ACSM4: variants seen among roughly 807,000 people sequenced by gnomAD.
The protein encoded by ACSM4 is acyl-coenzyme A synthetase ACSM4, mitochondrial.
A neutral mutation model predicts 73.0 loss-of-function variants in ACSM4; 66 were observed. That is an observed-to-expected ratio of 0.90 (90% CI 0.74 to 1.11). The LOEUF (loss-of-function observed/expected upper bound fraction) is 1.11, where lower values mean the gene tolerates loss of function less well. Among genes scored for constraint, ACSM4 ranks in the 50% least tolerant of loss-of-function variants. The pLI, the probability that ACSM4 is intolerant of heterozygous loss-of-function variation, is 0.00. For missense variants in ACSM4, 645 were observed against 714.4 expected, an observed-to-expected ratio of 0.90 and a Z score of 1.11; for synonymous variants, 222 against 254.0, an observed-to-expected ratio of 0.87 and a Z score of 1.20.
chr12:7,324,520 AGTG>A lies in ACSM4; in HGVS notation c.1460_1462del (p.Val487del), dbSNP rs773545493. 1.9e-6 allele frequency: 3 copies of A among 1,613,968 alleles called. 1 individual carries two copies. In the South Asian group the frequency reaches 3.3e-5, roughly 18 times the overall value. ...TCAGGTACCGTATTGGGCCATTTGA[AGTG>A]GAGAGTGCACTCATTGAGCATCCAG... On this transcript the variant is annotated inframe_deletion, in exon 11 of 13. Coordinates refer to ENST00000399422, the MANE Select transcript of ACSM4 (RefSeq NM_001080454.2).
intron 5 of ACSM4, 165 bp downstream of exon 5, chr12:7,318,347 C>G: frequency 1.3e-6 from 1 of 798,696 alleles, no homozygotes; most frequent in South Asian, 2.2e-5. Flanking sequence ...ACGTATTTGA[C>G]AGAATGGAGG....
At chr12:7,306,511 T>C in intron 1 of ACSM4, 22 bp from the exon 2 acceptor site, 1 of 1,563,228 alleles carries the variant, frequency 6.4e-7, no homozygotes, top group East Asian at 2.4e-5. Flanking sequence ...TACCCCTCTC[T>C]TTTCCATGTG....
chr12:7,308,873 T>C (rs1452384911), intron 2 of ACSM4, among the ~76,000 whole-genome samples: 1 of 152,228 alleles, frequency 6.6e-6, no homozygotes, highest in African/African-American at 2.4e-5. Flanking sequence ...GTAGTTTGGC[T>C]TATAGCACAG....
chr12:7,322,414 C>G lies in ACSM4; in HGVS notation c.1002-4C>G, dbSNP rs960057029. 2.5e-6 allele frequency: 4 copies of G among 1,613,590 alleles called. No individual in the cohort carries two copies. The highest frequency in any genetic ancestry group is 3.4e-6 in the Non-Finnish European group (4 of 1,179,792). On this transcript the variant is annotated splice_polypyrimidine_tract_variant and splice_region_variant and intron_variant, in intron 6 of 12. Coordinates refer to ENST00000399422, the MANE Select transcript of ACSM4 (RefSeq NM_001080454.2). ...AAAAGACCCATGCAACTCTGTCTCT[C>G]CAGATATAAATTCAAGAGTCTGCGG... is the stretch of plus-strand genomic sequence containing the variant.
chr12:7,322,240 C>T (rs1218316766), intron 6 of ACSM4, among the ~76,000 whole-genome samples, 178 bp from the exon 7 acceptor site: 5 of 152,138 alleles, frequency 3.3e-5, no homozygotes, highest in Non-Finnish European at 7.3e-5. Context: ...AATGTGCCCC[C>T]ATATGCCTAG....
intron 1 of ACSM4, 56 bp downstream of exon 1, chr12:7,304,588 C>A: frequency 6.5e-7 from 1 of 1,541,084 alleles, no homozygotes; most frequent in Non-Finnish European, 9.0e-7. Flanking sequence ...TCTCAGTCTT[C>A]CATTTCCTTG....
rs1946488750 is a variant in ACSM4 at position 7,324,490 on chromosome 12, C to T, written c.1437-9C>T. ...GATGTGGTGGTCAAAAACTTCTTTTCCTCTTCAGGTACCGTATTGGGCCAT... is the reference window on the plus strand; with the variant it reads ...GATGTGGTGGTCAAAAACTTCTTTTTCTCTTCAGGTACCGTATTGGGCCAT... On this transcript the variant is annotated splice_polypyrimidine_tract_variant and intron_variant, in intron 10 of 12. Coordinates refer to ENST00000399422, the MANE Select transcript of ACSM4 (RefSeq NM_001080454.2). 1 of 1,613,902 alleles carries T rather than the reference C, an allele frequency of 6.2e-7. No individual in the cohort carries two copies. Among genetic ancestry groups the T allele is most frequent in the South Asian group, 1.1e-5 (1 of 91,068 alleles).
chr12:7,318,471 G>C, intron 5 of ACSM4: 1 of 316,354 alleles, frequency 3.2e-6, no homozygotes, highest in African/African-American at 2.1e-5. Context: ...CTAAATAACA[G>C]ATTAGGAGTC....
Position 7,310,607 on chromosome 12 carries a change from A to T in ACSM4, c.481A>T (p.Lys161Ter). 1.2e-6 allele frequency: 2 copies of T among 1,613,068 alleles called. No homozygotes were observed. The highest frequency in any genetic ancestry group is 1.7e-6 in the Non-Finnish European group (2 of 1,179,592). Residue 161 changes from lysine to a stop codon, truncating the protein, a stop_gained, in exon 3 of 13, where the codon AAG becomes TAG. Transcript: ENST00000399422. LOFTEE classifies it high-confidence loss of function. Reference sequence around the variant, plus strand: ...CATCCTCTACCGGCTGCGAGCATCCAAGGCCAAGTGCATTGTGGCCAGTGA... The same window carrying T: ...CATCCTCTACCGGCTGCGAGCATCCTAGGCCAAGTGCATTGTGGCCAGTGA... ...KDILYRLRAS[K>*]AKCIVASEEV... is the part of the protein sequence containing the mutation.
chr12:7,305,147 G>T (rs1438966622), intron 1 of ACSM4, among the ~76,000 whole-genome samples: 1 of 152,130 alleles, frequency 6.6e-6, no homozygotes, highest in Non-Finnish European at 1.5e-5. Flanking sequence ...AAATACAGGG[G>T]GAAAGCCTTC....
At chr12:7,307,821 C>T (rs919951614) in intron 2 of ACSM4, among the ~76,000 whole-genome samples, 3 of 152,166 alleles carry the variant, frequency 2.0e-5, no homozygotes, top group African/African-American at 7.2e-5. Flanking sequence ...CTATGGCCTG[C>T]AAAGCCTAAA....
intron 7 of ACSM4, 99 bp downstream of exon 7, chr12:7,322,640 T>TACA: frequency 7.0e-7 from 1 of 1,437,518 alleles, no homozygotes; most frequent in Non-Finnish European, 9.3e-7. Flanking sequence ...ACTGTAAATT[T>TACA]TTATAGAGTT....
rs755148242 is a variant in ACSM4 at position 7,322,437 on chromosome 12, C to T, written c.1021C>T (p.Arg341Trp). ...DLKRYKFKSL[R>W]HCLTGGEPLN... ...CTCCAGATATAAATTCAAGAGTCTG[C>T]GGCACTGCTTGACCGGAGGGGAGCC... The change falls in exon 7 of 13, where the codon CGG becomes TGG. Residue 341 changes from arginine to tryptophan, a missense_variant. Coordinates refer to ENST00000399422, the MANE Select transcript of ACSM4 (RefSeq NM_001080454.2). 69 of 1,613,608 alleles carry T rather than the reference C, an allele frequency of 4.3e-5. No homozygotes were observed. In the East Asian group the frequency reaches 4.5e-4, roughly 10 times the overall value.
chr12:7,324,497 A>G lies in ACSM4; in HGVS notation c.1437-2A>G, dbSNP rs749938946. 1.9e-6 allele frequency: 3 copies of G among 1,613,938 alleles called. No homozygotes were observed. Among genetic ancestry groups the G allele is most frequent in the Admixed American group, 3.3e-5 (2 of 60,012 alleles). On this transcript the variant is annotated splice_acceptor_variant, in intron 10 of 12. Coordinates refer to ENST00000399422, the MANE Select transcript of ACSM4 (RefSeq NM_001080454.2). LOFTEE classifies it high-confidence loss of function. ...TGGTCAAAAACTTCTTTTCCTCTTC[A>G]GGTACCGTATTGGGCCATTTGAAGT...
chr12:7,307,755 C>A (rs967534043), intron 2 of ACSM4, among the ~76,000 whole-genome samples: 11 of 152,142 alleles, frequency 7.2e-5, no homozygotes, highest in Non-Finnish European at 1.6e-4. Flanking sequence ...TATTTATACA[C>A]CGTCTATGGC....
rs992410945 is a variant in ACSM4, at chr12:7,310,726, C to T, written c.600C>T (p.Leu200=). The change falls in exon 3 of 13, where the codon CTC becomes CTT. Residue 200 remains leucine (L), a synonymous_variant. Coordinates refer to ENST00000399422, the MANE Select transcript of ACSM4 (RefSeq NM_001080454.2). ...CTCCACAAAGCTGGAATGGGTGGCT[C>T]AGCTTCCAGGAGTTATTTCAGTGAG... ...LVSPQSWNGW[L]SFQELFQFAS... is the part of the protein sequence containing the mutation. 1.9e-6 allele frequency: 3 copies of T among 1,613,222 alleles called. No individual in the cohort carries two copies. Among genetic ancestry groups the T allele is most frequent in the Non-Finnish European group, 1.7e-6 (2 of 1,179,634 alleles).
chr12:7,313,948 G>T (rs771734218), intron 3 of ACSM4, among the ~76,000 whole-genome samples: 1 of 152,288 alleles, frequency 6.6e-6, no homozygotes, highest in East Asian at 1.9e-4. Context: ...GCCAAGGTCA[G>T]GTTTGGATTT....
At chr12:7,322,927 G>A (rs1170585171) in intron 7 of ACSM4, among the ~76,000 whole-genome samples, 2 of 152,070 alleles carry the variant, frequency 1.3e-5, no homozygotes, top group Non-Finnish European at 2.9e-5. Flanking sequence ...CTCAAACCAA[G>A]CAACATCAAC....
chr12:7,323,575 A>T lies in ACSM4; in HGVS notation c.1308+15A>T. 6.2e-7 allele frequency: 1 copy of T among 1,603,046 alleles called. No individual in the cohort carries two copies. The highest frequency in any genetic ancestry group is 8.5e-7 in the Non-Finnish European group (1 of 1,170,180). On this transcript the variant is annotated intron_variant, in intron 9 of 12. Coordinates refer to ENST00000399422, the MANE Select transcript of ACSM4 (RefSeq NM_001080454.2). ...CTAAATATGTGGTATGAGGATAGAA[A>T]GTGCTGGTCATGCTTAATACAGACT...
Sources: gnomAD v4.1 joint callset for allele counts (sites outside exome capture counted in the v4.1 genomes callset) on GRCh38, gnomAD v4.1.1 for gene constraint, MANE v1.5 for transcripts, NCBI Gene and HGNC (gene_info 2026-07-23, HGNC 2026-07-21) for gene names.